SLC4A10: variants seen among roughly 807,000 people sequenced by gnomAD.
SLC4A10 encodes the protein solute carrier family 4 member 10, also known as sodium-driven chloride bicarbonate exchanger.
SLC4A10 carries 42 observed loss-of-function variants against 137.7 expected under a neutral mutation model. The observed-to-expected ratio is 0.30, with a 90% confidence interval of 0.24 to 0.39. The LOEUF is 0.39. Among genes scored for constraint, SLC4A10 ranks in the 10% least tolerant of loss-of-function variants. SLC4A10 has a pLI of 1.00. For missense variants in SLC4A10, 925 were observed against 1,355.0 expected (o/e 0.68, Z 4.98); for synonymous variants, 474 against 464.1 (o/e 1.02, Z -0.27).
Position 161,946,254 on chromosome 2 carries a change from T to A in SLC4A10, c.2104-1312T>A, listed in dbSNP as rs907600366. Among the ~76,000 whole-genome samples the A allele has an allele frequency of 5.9e-5, 9 of 152,140 alleles. No homozygotes were observed. In the South Asian group the frequency reaches 1.2e-3, roughly 21 times the overall value. On this transcript the variant is annotated intron_variant, in intron 16 of 26. Transcript: ENST00000446997. ...AGTTAAATTAGAAAAGGAGACAGAT[T>A]CTTTAAGACAATAATAAGGTGTATT...
chr2:161,947,569 T>A lies in SLC4A10; in HGVS notation c.2107T>A (p.Cys703Ser). 6.2e-7 allele frequency: 1 copy of A among 1,608,176 alleles called. No homozygotes were observed. Among genetic ancestry groups the A allele is most frequent in the Non-Finnish European group, 8.5e-7 (1 of 1,177,970 alleles). The stretch of plus-strand genomic sequence containing the variant: ...TTTGTTTTACTTCCTCTGGCAGGAA[T>A]GCAAATCATTGCATGGAGAGTATGT... Reference protein sequence around the residue: ...IIWENLTVSECKSLHGEYVGR... With the variant: ...IIWENLTVSESKSLHGEYVGR... Residue 703 changes from cysteine to serine, a missense_variant, in exon 17 of 27, where the codon TGC becomes AGC. Coordinates refer to ENST00000446997, the MANE Select transcript of SLC4A10 (RefSeq NM_001178015.2).
chr2:161,683,321 CTT>C (rs2041063792), intron 1 of SLC4A10, among the ~76,000 whole-genome samples: 2 of 152,126 alleles, frequency 1.3e-5, no homozygotes, highest in African/African-American at 4.8e-5. Context: ...ATTCAATAAA[CTT>C]TTGTTTAATA....
chr2:161,938,882 C>A (rs1692119871), intron 15 of SLC4A10, among the ~76,000 whole-genome samples: 1 of 151,824 alleles, frequency 6.6e-6, no homozygotes, highest in African/African-American at 2.4e-5. Context: ...AAAAACCCCA[C>A]AAATAGTACA....
chr2:161,863,762 C>T (rs565565378), intron 6 of SLC4A10, among the ~76,000 whole-genome samples: 4 of 152,104 alleles, frequency 2.6e-5, no homozygotes, highest in Admixed American at 2.0e-4. Flanking sequence ...TCTCTCCTTG[C>T]GTTTATTTAA....
At chr2:161,651,794 A>G (rs1444632508) in intron 1 of SLC4A10, among the ~76,000 whole-genome samples, 3 of 150,678 alleles carry the variant, frequency 2.0e-5, no homozygotes, top group Admixed American at 6.7e-5. Flanking sequence ...GCTTACACAC[A>G]CATCCCTCCC....
chr2:161,897,473 G>C (rs1437921477), intron 11 of SLC4A10, among the ~76,000 whole-genome samples: 2 of 152,130 alleles, frequency 1.3e-5, no homozygotes, highest in African/African-American at 4.8e-5. Context: ...TGCTTTGCCA[G>C]AGGTGGGCAA....
chr2:161,645,854 G>A (rs1217399931), intron 1 of SLC4A10, among the ~76,000 whole-genome samples: 2 of 151,822 alleles, frequency 1.3e-5, no homozygotes, highest in Non-Finnish European at 2.9e-5. Flanking sequence ...CTTAATTCTT[G>A]TTCACTTTTG....
chr2:161,736,311 A>G (rs766814947), intron 1 of SLC4A10, among the ~76,000 whole-genome samples: 32 of 152,212 alleles, frequency 2.1e-4, no homozygotes, highest in Non-Finnish European at 3.7e-4. Flanking sequence ...TATTTGCTCA[A>G]ATCAAAGAAA....
At chr2:161,836,532 GAAAGAAAGAAAGAAAGAAAGAA>G (rs1288465105) in intron 3 of SLC4A10, among the ~76,000 whole-genome samples, 9 of 9,086 alleles carry the variant, frequency 9.9e-4, no homozygotes, top group Admixed American at 4.0e-3. Context: ...GAGAGAGAGA[GAAAGAAAGAAAGAAAGAAAGAA>G]AGAAAGAAAG....
intron 1 of SLC4A10, among the ~76,000 whole-genome samples, chr2:161,760,185 A>T (rs2050112863): frequency 6.6e-6 from 1 of 151,896 alleles, no homozygotes; most frequent in Non-Finnish European, 1.5e-5. Context: ...TACCTTATGC[A>T]ATTTCAGTTT....
chr2:161,806,508 T>C (rs985926296), intron 3 of SLC4A10, among the ~76,000 whole-genome samples: 1 of 152,214 alleles, frequency 6.6e-6, no homozygotes, highest in Non-Finnish European at 1.5e-5. Context: ...ACTTCTTGAA[T>C]GCTTTGCTGC....
At chr2:161,708,278 C>T (rs887290118) in intron 1 of SLC4A10, among the ~76,000 whole-genome samples, 3 of 151,366 alleles carry the variant, frequency 2.0e-5, no homozygotes, top group African/African-American at 7.3e-5. Flanking sequence ...CTTGGTAAGT[C>T]ATAAAGCCTA....
Position 161,983,400 on chromosome 2 carries a change from C to A in SLC4A10, c.*248C>A. 1 of 657,106 alleles carries A rather than the reference C, an allele frequency of 1.5e-6. No individual in the cohort carries two copies. Among genetic ancestry groups the A allele is most frequent in the South Asian group, 2.0e-5 (1 of 49,612 alleles). The allele number at this position is 657,106 out of a possible 1,614,324, so 40.7% of individuals were successfully genotyped here. A position where few individuals can be genotyped will look rare whatever the true frequency, so the allele number is the denominator to read the frequency against. ...TACTTGTTTCATTTCTGTGTTTAAACTTCTGAGCAGTGAGACATCCCTGTG... is the reference window on the plus strand; with the variant it reads ...TACTTGTTTCATTTCTGTGTTTAAAATTCTGAGCAGTGAGACATCCCTGTG... On this transcript the variant is annotated 3_prime_UTR_variant, in exon 27 of 27. Transcript: ENST00000446997.
intron 15 of SLC4A10, among the ~76,000 whole-genome samples, chr2:161,920,536 T>C (rs1395425907): frequency 1.3e-5 from 2 of 152,230 alleles, no homozygotes; most frequent in Admixed American, 6.5e-5. Context: ...AAGGAAACCT[T>C]GTACTTTTTA....
At chr2:161,632,825 C>G (rs2033802812) in intron 1 of SLC4A10, among the ~76,000 whole-genome samples, 1 of 151,428 alleles carries the variant, frequency 6.6e-6, no homozygotes, top group Admixed American at 6.6e-5. Flanking sequence ...TAAATATCAA[C>G]AAAATAGAAA....
chr2:161,940,219 C>A (rs977222560), intron 15 of SLC4A10, among the ~76,000 whole-genome samples: 6 of 152,290 alleles, frequency 3.9e-5, no homozygotes, highest in African/African-American at 1.4e-4. Context: ...AAGCTTAACT[C>A]TGGACAAGAA....
intron 23 of SLC4A10, among the ~76,000 whole-genome samples, chr2:161,968,287 C>A (rs1697948525): frequency 6.6e-6 from 1 of 152,116 alleles, no homozygotes; most frequent in Admixed American, 6.5e-5. Context: ...TGTGTGTGTG[C>A]CATATGCCCA....
At chr2:161,905,085 AT>A (rs1430548973) in intron 14 of SLC4A10, among the ~76,000 whole-genome samples, 176 bp downstream of exon 14, 3 of 152,158 alleles carry the variant, frequency 2.0e-5, no homozygotes, top group Non-Finnish European at 2.9e-5. Context: ...ATTTATGTAT[AT>A]TTTTATGTAA....
chr2:161,895,739 T>G (rs2063414445), intron 11 of SLC4A10, among the ~76,000 whole-genome samples: 1 of 152,116 alleles, frequency 6.6e-6, no homozygotes, highest in African/African-American at 2.4e-5. Context: ...TCATATCCTT[T>G]GCCCACTTTT....
Sources: gnomAD v4.1 joint callset for allele counts (sites outside exome capture counted in the v4.1 genomes callset) on GRCh38, gnomAD v4.1.1 for gene constraint, MANE v1.5 for transcripts, NCBI Gene and HGNC (gene_info 2026-07-23, HGNC 2026-07-21) for gene names.